Variants in SFMBT1 observed in about 807,000 individuals in gnomAD.
SFMBT1 encodes scm-like with four MBT domains protein 1.
In SFMBT1, 32 loss-of-function variants were observed where a neutral mutation model predicts 108.7. The ratio of observed to expected loss-of-function variants is 0.29; its 90% CI spans 0.22 to 0.40. The LOEUF is 0.40. SFMBT1 is among the 10% of genes least tolerant of loss of function. The probability of loss-of-function intolerance (pLI) is 1.00; values close to 1 mark genes in which losing one functional copy is unlikely to be tolerated. For missense variants in SFMBT1, 816 were observed against 1,059.6 expected (o/e 0.77, Z 3.19); for synonymous variants, 348 against 369.5 (o/e 0.94, Z 0.67).
chr3:52,946,613 C>T (rs910794480), intron 3 of SFMBT1, among the ~76,000 whole-genome samples: 1 of 152,278 alleles, frequency 6.6e-6, no homozygotes, highest in Admixed American at 6.5e-5. Context: ...GGGCAGTTCA[C>T]AGTTTTGGGA....
chr3:52,966,352 G>A (rs576219905), intron 2 of SFMBT1, among the ~76,000 whole-genome samples: 7 of 150,054 alleles, frequency 4.7e-5, no homozygotes, highest in Admixed American at 1.3e-4. Flanking sequence ...TAAAGCCGGC[G>A]CGGTGGCTCA....
At chr3:52,964,589 T>A (rs563544362) in intron 2 of SFMBT1, among the ~76,000 whole-genome samples, 2 of 152,230 alleles carry the variant, frequency 1.3e-5, no homozygotes, top group African/African-American at 4.8e-5. Context: ...AATGACAACC[T>A]AGTATCAAAT....
chr3:52,975,386 G>A (rs1376198138), intron 1 of SFMBT1, among the ~76,000 whole-genome samples: 1 of 151,922 alleles, frequency 6.6e-6, no homozygotes, highest in Non-Finnish European at 1.5e-5. Context: ...GACTTGATAA[G>A]ATAATTTTAG....
At chr3:52,956,104 C>T (rs1447361251) in intron 2 of SFMBT1, among the ~76,000 whole-genome samples, 2 of 152,144 alleles carry the variant, frequency 1.3e-5, no homozygotes, top group South Asian at 2.1e-4. Context: ...AAGATAAAAA[C>T]CACATGATTA....
At chr3:52,992,616 A>G (rs1705179856) in intron 1 of SFMBT1, among the ~76,000 whole-genome samples, 1 of 152,244 alleles carries the variant, frequency 6.6e-6, no homozygotes. Context: ...TAATGGAACA[A>G]AAACTACTCC....
At chr3:52,990,902 A>C (rs1478507020) in intron 1 of SFMBT1, among the ~76,000 whole-genome samples, 1 of 152,224 alleles carries the variant, frequency 6.6e-6, no homozygotes, top group Non-Finnish European at 1.5e-5. Flanking sequence ...GTGAAGTATA[A>C]AGAGAATAAT....
chr3:52,987,684 G>A (rs73839781), intron 1 of SFMBT1, among the ~76,000 whole-genome samples: 2,636 of 152,262 alleles, frequency 0.017, 78 homozygotes, highest in African/African-American at 0.06. Context: ...GATGGCCCTA[G>A]ATGATCTGCG....
chr3:53,044,475 AC>A (rs1228099077), intron 1 of SFMBT1, among the ~76,000 whole-genome samples: 1 of 151,966 alleles, frequency 6.6e-6, no homozygotes, highest in African/African-American at 2.4e-5. Context: ...ACAAATCTTA[AC>A]TCCGAATCTA....
intron 12 of SFMBT1, among the ~76,000 whole-genome samples, 199 bp downstream of exon 12, chr3:52,920,338 C>T (rs1702481960): frequency 6.6e-6 from 1 of 152,174 alleles, no homozygotes; most frequent in African/African-American, 2.4e-5. Context: ...AGACGACCCA[C>T]CTAAGTTGCA....
Position 52,905,162 on chromosome 3 carries a change from C to T in SFMBT1, c.2575G>A (p.Ala859Thr). ...CAGTTGGCAAACTGCTCATAAAAAG[C>T]AAACTTGATCCTCTCTATGTGATGG... ...LCHHIERIKF[A>T]FYEQFAN Residue 859 changes from alanine to threonine, a missense_variant, in exon 21 of 21, where the codon GCT becomes ACT. Around this residue, in one of 5 missense-constraint regions of SFMBT1, gnomAD observed 49 missense variants for 91.8 expected, o/e 0.53. Transcript: ENST00000394752. The T allele has an allele frequency of 6.2e-7, 1 of 1,613,778 alleles. No homozygotes were observed.
intron 1 of SFMBT1, among the ~76,000 whole-genome samples, chr3:53,009,077 A>G (rs756240878): frequency 6.6e-6 from 1 of 151,450 alleles, no homozygotes; most frequent in Non-Finnish European, 1.5e-5. Context: ...GGAGTTGGAG[A>G]TCAATCTGGG....
At position 52,960,476 on chromosome 3, in the gene SFMBT1, C is replaced by T. The variant is rs939776522; in HGVS notation, c.29-6065G>A. On this transcript the variant is annotated intron_variant, in intron 2 of 20. Coordinates refer to ENST00000394752, the MANE Select transcript of SFMBT1 (RefSeq NM_016329.4). The stretch of plus-strand genomic sequence containing the variant: ...TCACACATATTAGAATAACTATAAA[C>T]AAAAAGACAAAAAATAATAAGTGTT... Among the ~76,000 whole-genome samples, 3 of 151,832 alleles carry T rather than the reference C, an allele frequency of 2.0e-5. No individual in the cohort carries two copies. In the South Asian group the frequency reaches 6.2e-4, roughly 31 times the overall value.
At chr3:52,980,650 T>A (rs1225162804) in intron 1 of SFMBT1, among the ~76,000 whole-genome samples, 1 of 147,574 alleles carries the variant, frequency 6.8e-6, no homozygotes, top group East Asian at 2.0e-4. Flanking sequence ...ACAAGGACCA[T>A]TGTTTAAAAA....
intron 1 of SFMBT1, among the ~76,000 whole-genome samples, chr3:53,013,774 G>A (rs1175004850): frequency 2.7e-5 from 4 of 150,882 alleles, no homozygotes; most frequent in East Asian, 3.9e-4. Context: ...GATTACAGGC[G>A]CCCACCACCA....
chr3:52,928,284 C>T lies in SFMBT1; in HGVS notation c.955G>A (p.Ala319Thr), dbSNP rs141910637. ...GCGTGGCACACAAAGGATCGCCGTG[C>T]GTGGTTCTCAGGACGCAAGTCATCC... Reference protein sequence around the residue: ...EMDDLRPENHARRSFVCHADS... With the variant: ...EMDDLRPENHTRRSFVCHADS... Residue 319 changes from alanine to threonine, a missense_variant, in exon 9 of 21, where the codon GCA becomes ACA. Ala to Thr is a moderately conservative substitution (Grantham distance 58). This residue lies in a region of SFMBT1 where 495 missense variants were observed against 607.4 expected (regional missense o/e 0.81). Transcript: ENST00000394752. The T allele has an allele frequency of 1.1e-5, 17 of 1,614,032 alleles. No homozygotes were observed. Among genetic ancestry groups the T allele is most frequent in the African/African-American group, 2.7e-5 (2 of 75,014 alleles).
At chr3:52,966,792 G>A (rs1004062808) in intron 2 of SFMBT1, among the ~76,000 whole-genome samples, 1 of 151,634 alleles carries the variant, frequency 6.6e-6, no homozygotes, top group South Asian at 2.1e-4. Flanking sequence ...TAAATTATAT[G>A]TTTGACAGTT....
chr3:52,969,386 T>G, intron 1 of SFMBT1, 128 bp from the exon 2 acceptor site: 1 of 917,702 alleles, frequency 1.1e-6, no homozygotes. Flanking sequence ...TAGATAGGAC[T>G]GGAGGAAAAA....
intron 15 of SFMBT1, 38 bp from the exon 16 acceptor site, chr3:52,912,685 G>A (rs775586078): frequency 4.1e-6 from 6 of 1,466,042 alleles, no homozygotes; most frequent in Non-Finnish European, 5.7e-6. Context: ...AGATTGGGAA[G>A]GAGAAAAGCA....
intron 3 of SFMBT1, among the ~76,000 whole-genome samples, chr3:52,951,502 C>T (rs576805351): frequency 3.3e-5 from 5 of 151,748 alleles, no homozygotes; most frequent in East Asian, 3.9e-4. Context: ...CTGCAACCTC[C>T]GCCTCTTGGG....
Sources: allele counts gnomAD v4.1 joint callset (sites outside exome capture counted in the v4.1 genomes callset), GRCh38; gene constraint gnomAD v4.1.1; regional missense constraint gnomAD v4.1.1; transcripts MANE v1.5; gene names NCBI Gene and HGNC (gene_info 2026-07-23, HGNC 2026-07-21).